Variants in RALGAPA2 observed in about 807,000 individuals in gnomAD.
RALGAPA2 encodes the protein ral GTPase-activating protein subunit alpha-2.
In RALGAPA2, 139 loss-of-function variants were observed where a neutral mutation model predicts 230.4. The ratio of observed to expected loss-of-function variants is 0.60; its 90% CI spans 0.53 to 0.69. The LOEUF (loss-of-function observed/expected upper bound fraction) is 0.69, where lower values mean the gene tolerates loss of function less well. RALGAPA2 is among the 30% of genes least tolerant of loss of function. RALGAPA2 has a pLI of 0.00. For missense variants in RALGAPA2, 2,163 were observed against 2,276.0 expected (o/e 0.95, Z 1.01); for synonymous variants, 847 against 837.8 (o/e 1.01, Z -0.19).
intron 31 of RALGAPA2, among the ~76,000 whole-genome samples, chr20:20,516,295 C>T (rs1378170179): frequency 1.3e-5 from 2 of 152,190 alleles, no homozygotes; most frequent in Non-Finnish European, 2.9e-5. Context: ...GGGAGCTTTA[C>T]AGCCCTGCTC....
At chr20:20,655,324 A>AT (rs2067551052) in intron 3 of RALGAPA2, among the ~76,000 whole-genome samples, 2 of 152,004 alleles carry the variant, frequency 1.3e-5, no homozygotes, top group Non-Finnish European at 2.9e-5. Flanking sequence ...GCAAAAAAAA[A>AT]TTTTTTAAAT....
intron 24 of RALGAPA2, among the ~76,000 whole-genome samples, chr20:20,543,809 A>G (rs1475726423): frequency 6.6e-6 from 1 of 152,100 alleles, no homozygotes; most frequent in Non-Finnish European, 1.5e-5. Context: ...CAGCACACCA[A>G]CATGACACAT....
chr20:20,469,871 A>G (rs2061500614), intron 37 of RALGAPA2, among the ~76,000 whole-genome samples: 2 of 152,224 alleles, frequency 1.3e-5, no homozygotes, highest in African/African-American at 4.8e-5. Context: ...TAGAAAAAGC[A>G]GATGGCAGGT....
intron 38 of RALGAPA2, among the ~76,000 whole-genome samples, chr20:20,404,107 TAGAA>T (rs2059901793): frequency 1.8e-5 from 1 of 54,248 alleles, no homozygotes; most frequent in African/African-American, 8.4e-5. Context: ...GGCCACAAAA[TAGAA>T]TAGGGTTTTC....
Position 20,629,428 on chromosome 20 carries a change from T to C in RALGAPA2, c.1168A>G (p.Met390Val). 2 of 1,613,856 alleles carry C rather than the reference T, an allele frequency of 1.2e-6. No homozygotes were observed. Among genetic ancestry groups the C allele is most frequent in the Non-Finnish European group, 8.5e-7 (1 of 1,179,878 alleles). Residue 390 changes from methionine to valine, a missense_variant, in exon 10 of 40, where the codon ATG (methionine) becomes GTG (valine). Physicochemically the swap from Met to Val is conservative, Grantham distance 21. Coordinates refer to ENST00000202677, the MANE Select transcript of RALGAPA2 (RefSeq NM_020343.4). ...IEEEHRMVYE[M>V]VQRILLSTRG... ...GTTGACAAGAGAATCCGCTGTACCA[T>C]TTCATACACCATTCGGTGCTCTTCT...
At chr20:20,602,628 A>G (rs2065690416) in intron 15 of RALGAPA2, among the ~76,000 whole-genome samples, 1 of 152,240 alleles carries the variant, frequency 6.6e-6, no homozygotes, top group African/African-American at 2.4e-5. Flanking sequence ...TGTTTCTATA[A>G]TAAATATTTA....
chr20:20,458,703 C>T (rs1274034420), intron 37 of RALGAPA2, among the ~76,000 whole-genome samples: 31 of 120,616 alleles, frequency 2.6e-4, no homozygotes, highest in Non-Finnish European at 2.1e-4. Flanking sequence ...TATATATATA[C>T]ACACACACAC....
intron 1 of RALGAPA2, among the ~76,000 whole-genome samples, chr20:20,700,086 G>GA (rs1446238218): frequency 6.6e-6 from 1 of 152,062 alleles, no homozygotes; most frequent in Non-Finnish European, 1.5e-5. Context: ...ATTGGATAAA[G>GA]AAAATGTGGT....
At position 20,503,376 on chromosome 20, in the gene RALGAPA2, T is replaced by C. The variant is rs757872212; in HGVS notation, c.5183A>G (p.Asp1728Gly). Residue 1728 changes from aspartate (D) to glycine (G), a missense_variant, in exon 35 of 40, where the codon GAC (aspartate) becomes GGC (glycine). Coordinates refer to ENST00000202677, the MANE Select transcript of RALGAPA2 (RefSeq NM_020343.4). ...CTTTTTGGTGAGGGAATCATCTGAG[T>C]CTGACGGCATTCGAGTGGAAACATG... Reference protein sequence around the residue: ...IFHVSTRMPSDSDDSLTKKLR... With the variant: ...IFHVSTRMPSGSDDSLTKKLR... The C allele has an allele frequency of 8.1e-6, 13 of 1,600,556 alleles. No individual in the cohort carries two copies. In the South Asian group the frequency reaches 1.4e-4, roughly 18 times the overall value.
intron 24 of RALGAPA2, among the ~76,000 whole-genome samples, chr20:20,543,324 C>T (rs1470875686): frequency 6.6e-6 from 1 of 152,002 alleles, no homozygotes; most frequent in Non-Finnish European, 1.5e-5. Context: ...GGATTACAGG[C>T]GTGAGCTACC....
intron 33 of RALGAPA2, among the ~76,000 whole-genome samples, chr20:20,510,132 A>G (rs2062657317): frequency 6.6e-6 from 1 of 152,190 alleles, no homozygotes; most frequent in Admixed American, 6.5e-5. Flanking sequence ...AATGGTGAAA[A>G]TGTTCATTCA....
At chr20:20,550,505 A>G (rs2063894276) in intron 23 of RALGAPA2, among the ~76,000 whole-genome samples, 1 of 152,206 alleles carries the variant, frequency 6.6e-6, no homozygotes. Flanking sequence ...CCTACCTAAC[A>G]GTATCACAAG....
chr20:20,518,874 T>C (rs577629127), intron 31 of RALGAPA2, among the ~76,000 whole-genome samples: 2 of 152,156 alleles, frequency 1.3e-5, no homozygotes, highest in East Asian at 1.9e-4. Context: ...TTATAAGACA[T>C]ATGAACTTAC....
intron 23 of RALGAPA2, among the ~76,000 whole-genome samples, chr20:20,560,761 C>T (rs1053039998): frequency 1.3e-5 from 2 of 152,212 alleles, no homozygotes; most frequent in Non-Finnish European, 2.9e-5. Flanking sequence ...TCCTGTGTCT[C>T]TCAGTGCCTC....
At chr20:20,645,852 G>A (rs992741643) in intron 4 of RALGAPA2, among the ~76,000 whole-genome samples, 1 of 151,940 alleles carries the variant, frequency 6.6e-6, no homozygotes, top group Non-Finnish European at 1.5e-5. Context: ...ATTTAAACGA[G>A]TTAATACATA....
intron 37 of RALGAPA2, among the ~76,000 whole-genome samples, chr20:20,433,270 A>C (rs1478811140): frequency 1.3e-5 from 2 of 152,250 alleles, no homozygotes; most frequent in Admixed American, 1.3e-4. Context: ...AGATTAGGTG[A>C]TAGGCAAACC....
chr20:20,692,021 C>T (rs780025828), intron 1 of RALGAPA2, among the ~76,000 whole-genome samples: 8 of 152,100 alleles, frequency 5.3e-5, no homozygotes, highest in Middle Eastern at 3.2e-3. Context: ...TCATGTGACG[C>T]CCACTCCCCT....
At chr20:20,433,846 G>A (rs2060548989) in intron 37 of RALGAPA2, among the ~76,000 whole-genome samples, 2 of 152,150 alleles carry the variant, frequency 1.3e-5, no homozygotes, top group African/African-American at 4.8e-5. Context: ...TCAAAATCCA[G>A]TATACATCAG....
intron 37 of RALGAPA2, among the ~76,000 whole-genome samples, chr20:20,436,351 AG>A (rs2060612106): frequency 6.6e-6 from 1 of 152,246 alleles, no homozygotes; most frequent in Non-Finnish European, 1.5e-5. Context: ...TTTTCTAAAA[AG>A]ATTTCAGTCT....
Sources: gnomAD v4.1 joint callset for allele counts (sites outside exome capture counted in the v4.1 genomes callset) on GRCh38, gnomAD v4.1.1 for gene constraint, MANE v1.5 for transcripts, NCBI Gene and HGNC (gene_info 2026-07-23, HGNC 2026-07-21) for gene names.